PCCB: variants seen among roughly 807,000 people sequenced by gnomAD.
PCCB encodes the protein propionyl-CoA carboxylase subunit beta, also known as propionyl-CoA carboxylase beta chain, mitochondrial.
A neutral mutation model predicts 60.7 loss-of-function variants in PCCB; 43 were observed. The ratio of observed to expected loss-of-function variants is 0.71; its 90% CI spans 0.55 to 0.91. The LOEUF is 0.91. Among genes scored for constraint, PCCB ranks in the 40% least tolerant of loss-of-function variants. PCCB has a pLI of 0.00. For synonymous variants in PCCB, 276 were observed against 255.9 expected (o/e 1.08, Z -0.75); for missense variants, 766 against 702.8 (o/e 1.09, Z -1.02).
At chr3:136,257,726 C>G (rs919696119) in intron 3 of PCCB, among the ~76,000 whole-genome samples, 16 of 152,106 alleles carry the variant, frequency 1.1e-4, no homozygotes, top group African/African-American at 3.9e-4. Context: ...CACCTGAGGT[C>G]AGGAGTTTGA....
At chr3:136,261,488 C>G (rs1241700241) in intron 4 of PCCB, among the ~76,000 whole-genome samples, 2 of 152,190 alleles carry the variant, frequency 1.3e-5, no homozygotes, top group Admixed American at 1.3e-4. Flanking sequence ...GTCGGAATTA[C>G]TAACCCATGA....
chr3:136,327,141 T>C lies in PCCB; in HGVS notation c.1199-14T>C. ...AGGACTTGTGGGTATCTAGTAACTC[T>C]TCCTCATGTCTAGGCACAGCACAGG... On this transcript the variant is annotated splice_polypyrimidine_tract_variant and intron_variant, in intron 11 of 14. Coordinates refer to ENST00000251654, the MANE Select transcript of PCCB (RefSeq NM_000532.5). The C allele has an allele frequency of 6.2e-7, 1 of 1,612,078 alleles. No homozygotes were observed. The highest frequency in any genetic ancestry group is 1.1e-5 in the South Asian group (1 of 91,036).
At chr3:136,256,054 T>G in intron 2 of PCCB, 79 bp downstream of exon 2, 1 of 1,604,960 alleles carries the variant, frequency 6.2e-7, no homozygotes, top group Non-Finnish European at 8.5e-7. Flanking sequence ...AATAAATCTA[T>G]AAGGCTTTTA....
At position 136,260,542 on chromosome 3, in the gene PCCB, G is replaced by GT; in HGVS notation, c.429+10dup. 1 of 1,608,030 alleles carries GT rather than the reference G, an allele frequency of 6.2e-7. No homozygotes were observed. Among genetic ancestry groups the GT allele is most frequent in the Non-Finnish European group, 8.5e-7 (1 of 1,174,670 alleles). The stretch of plus-strand genomic sequence containing the variant: ...TGCCCAAAAGATCTGCAAAGTAAGT[G>GT]TTTAATACTCAAATTCAATCCATTG... On this transcript the variant is annotated splice_region_variant and intron_variant, in intron 4 of 14. Transcript: ENST00000251654.
At chr3:136,287,026 G>T (rs1333813151) in intron 6 of PCCB, among the ~76,000 whole-genome samples, 2 of 148,492 alleles carry the variant, frequency 1.3e-5, no homozygotes, top group Non-Finnish European at 3.0e-5. Context: ...GCAAGACTCT[G>T]TCTCGGAAAA....
At chr3:136,285,398 C>T (rs749020385) in intron 6 of PCCB, among the ~76,000 whole-genome samples, 1 of 152,024 alleles carries the variant, frequency 6.6e-6, no homozygotes, top group Non-Finnish European at 1.5e-5. Context: ...CTAGATCCTC[C>T]CATCAAAACT....
At chr3:136,261,167 G>GT (rs1941811433) in intron 4 of PCCB, among the ~76,000 whole-genome samples, 1 of 152,190 alleles carries the variant, frequency 6.6e-6, no homozygotes, top group South Asian at 2.1e-4. Flanking sequence ...GTGCTAGAAG[G>GT]TAAAGAACAG....
chr3:136,271,046 A>G (rs1019615264), intron 5 of PCCB, among the ~76,000 whole-genome samples: 5 of 152,164 alleles, frequency 3.3e-5, no homozygotes, highest in African/African-American at 9.7e-5. Flanking sequence ...TCAGGTGCAT[A>G]GTTTGCAAAT....
chr3:136,314,008 G>C (rs1252556783), intron 9 of PCCB, among the ~76,000 whole-genome samples: 1 of 151,350 alleles, frequency 6.6e-6, no homozygotes, highest in East Asian at 1.9e-4. Flanking sequence ...TCATATAGCT[G>C]GACTTTGGAC....
In PCCB at chr3:136,302,587, A is replaced by C. The variant is rs1423167676; in HGVS notation, c.966+1476A>C. Among the ~76,000 whole-genome samples, 5 of 113,894 alleles carry C rather than the reference A, an allele frequency of 4.4e-5. 1 individual carries two copies. The highest frequency in any genetic ancestry group is 1.3e-4 in the African/African-American group (5 of 38,412). 74.7% of individuals were successfully genotyped at this position (113,894 alleles called of 152,430 possible). On this transcript the variant is annotated intron_variant, in intron 9 of 14. Transcript: ENST00000251654. ...TTTTATTTTATTATTATTATACTTT[A>C]AGTTTTAGGGTACATGTGCACAATG...
At chr3:136,297,815 A>G in intron 7 of PCCB, 137 bp from the exon 8 acceptor site, 1 of 891,026 alleles carries the variant, frequency 1.1e-6, no homozygotes. Flanking sequence ...TTACATCCTC[A>G]GTGGAGGGTG....
At chr3:136,278,746 T>C (rs1942397989) in intron 5 of PCCB, among the ~76,000 whole-genome samples, 1 of 152,240 alleles carries the variant, frequency 6.6e-6, no homozygotes, top group Non-Finnish European at 1.5e-5. Flanking sequence ...GCATATGCAC[T>C]TGACAAGAAT....
At chr3:136,305,832 C>T (rs1225323017) in intron 9 of PCCB, among the ~76,000 whole-genome samples, 8 of 119,740 alleles carry the variant, frequency 6.7e-5, no homozygotes, top group African/African-American at 2.0e-4. Flanking sequence ...AGAGTGCACA[C>T]ACAAATCAAT....
chr3:136,258,669 C>G (rs1027624666), intron 3 of PCCB, among the ~76,000 whole-genome samples: 1 of 152,166 alleles, frequency 6.6e-6, no homozygotes, highest in South Asian at 2.1e-4. Flanking sequence ...CCTAATCTTG[C>G]ATGTTTTCAG....
chr3:136,275,365 C>T (rs1942310888), intron 5 of PCCB, among the ~76,000 whole-genome samples: 2 of 150,646 alleles, frequency 1.3e-5, no homozygotes, highest in Admixed American at 1.3e-4. Context: ...TGTTGGTTTT[C>T]ACCTTTCTAT....
intron 5 of PCCB, among the ~76,000 whole-genome samples, chr3:136,269,743 G>A (rs1028040137): frequency 6.6e-6 from 1 of 151,938 alleles, no homozygotes; most frequent in African/African-American, 2.4e-5. Context: ...AAAATTAGCC[G>A]GGTGTGGTGG....
At chr3:136,256,835 C>T (rs1469041425) in intron 3 of PCCB, among the ~76,000 whole-genome samples, 1 of 152,162 alleles carries the variant, frequency 6.6e-6, no homozygotes, top group Non-Finnish European at 1.5e-5. Context: ...TCACAGGGCA[C>T]TAGCCTTGTA....
At chr3:136,253,081 G>GTT (rs1941562425) in intron 1 of PCCB, among the ~76,000 whole-genome samples, 1 of 58,440 alleles carries the variant, frequency 1.7e-5, no homozygotes, top group Non-Finnish European at 3.3e-5. Context: ...AAGCAATGGA[G>GTT]GTTTTTTTTT....
chr3:136,261,055 T>C (rs943454425), intron 4 of PCCB, among the ~76,000 whole-genome samples: 7 of 152,156 alleles, frequency 4.6e-5, no homozygotes, highest in Non-Finnish European at 1.0e-4. Flanking sequence ...AAGATAAAGA[T>C]GTAAATTTTT....
Sources: allele counts gnomAD v4.1 joint callset (sites outside exome capture counted in the v4.1 genomes callset), GRCh38; gene constraint gnomAD v4.1.1; transcripts MANE v1.5; gene names NCBI Gene and HGNC (gene_info 2026-07-23, HGNC 2026-07-21).